Variants in LRP5 observed in about 807,000 individuals in gnomAD.
LRP5 encodes low-density lipoprotein receptor-related protein 5.
LRP5 carries 62 observed loss-of-function variants against 154.1 expected under a neutral mutation model. The ratio of observed to expected loss-of-function variants is 0.40; its 90% CI spans 0.33 to 0.50. The LOEUF (loss-of-function observed/expected upper bound fraction) is 0.50. LRP5 is among the 20% of genes least tolerant of loss of function. The probability of loss-of-function intolerance (pLI) is 0.55; values close to 1 mark genes in which losing one functional copy is unlikely to be tolerated. For missense variants in LRP5, 1,915 were observed against 2,336.7 expected, an observed-to-expected ratio of 0.82 and a Z score of 3.72; for synonymous variants, 966 against 1,011.5, an observed-to-expected ratio of 0.96 and a Z score of 0.85.
intron 13 of LRP5, among the ~76,000 whole-genome samples, chr11:68,421,449 G>A (rs996083583): frequency 2.0e-5 from 3 of 152,190 alleles, no homozygotes; most frequent in East Asian, 1.9e-4. Flanking sequence ...CACCCTCCAC[G>A]GTGAGCCTGA....
chr11:68,389,892 G>T lies in LRP5; in HGVS notation c.1424G>T (p.Trp475Leu). 1 of 1,614,244 alleles carries T rather than the reference G, an allele frequency of 6.2e-7. No individual in the cohort carries two copies. Among genetic ancestry groups the T allele is most frequent in the Non-Finnish European group, 8.5e-7 (1 of 1,180,048 alleles). The change falls in exon 7 of 23, where the codon TGG becomes TTG. Residue 475 changes from tryptophan to leucine, a missense_variant. Around this residue, in one of 3 missense-constraint regions of LRP5, gnomAD observed 773 missense variants for 1,100.9 expected, o/e 0.70. Transcript: ENST00000294304. ...TGCTTCTTCTCCAGCCTCATGTACT[G>T]GACAGACTGGGGAGAGAACCCTAAA... ...ALHPVMGLMY[W>L]TDWGENPKIE...
intron 22 of LRP5, 93 bp downstream of exon 22, chr11:68,446,626 A>G: frequency 1.7e-6 from 2 of 1,149,526 alleles, no homozygotes; most frequent in South Asian, 2.5e-5. Flanking sequence ...GAGGGGAGGT[A>G]TTCTGGGTGC....
At chr11:68,359,721 C>G (rs1196880316) in intron 3 of LRP5, among the ~76,000 whole-genome samples, 1 of 151,070 alleles carries the variant, frequency 6.6e-6, no homozygotes, top group Non-Finnish European at 1.5e-5. Flanking sequence ...ACTTTGTCAC[C>G]CAGGCTGGAG....
At chr11:68,425,398 C>A in intron 15 of LRP5, 106 bp downstream of exon 15, 1 of 1,190,250 alleles carries the variant, frequency 8.4e-7, no homozygotes, top group Non-Finnish European at 1.2e-6. Flanking sequence ...CAGTGCCGCG[C>A]CAGGGGCTTT....
chr11:68,343,497 G>A (rs1591198296), intron 1 of LRP5, among the ~76,000 whole-genome samples: 1 of 152,136 alleles, frequency 6.6e-6, no homozygotes, highest in Non-Finnish European at 1.5e-5. Context: ...GGGACAAGCT[G>A]GGGGCCCTCG....
rs545461250 is a variant in LRP5 at position 68,433,852 on chromosome 11, C to T, written c.4000+14C>T. 56 of 1,608,190 alleles carry T rather than the reference C, an allele frequency of 3.5e-5. No individual in the cohort carries two copies. Among genetic ancestry groups the T allele is most frequent in the South Asian group, 2.0e-4 (18 of 90,598 alleles). The stretch of plus-strand genomic sequence containing the variant: ...CGGACTGTGACGGTGAGGCCCTCCC[C>T]GTCAAGGCTCTGCCAAGACCCTGGC... On this transcript the variant is annotated intron_variant, in intron 18 of 22. Transcript: ENST00000294304.
chr11:68,423,725 G>A lies in LRP5; in HGVS notation c.3236+28G>A, dbSNP rs1332575303. 14 of 1,588,384 alleles carry A rather than the reference G, an allele frequency of 8.8e-6. No individual in the cohort carries two copies. Among genetic ancestry groups the A allele is most frequent in the Non-Finnish European group, 1.2e-5 (14 of 1,169,642 alleles). On this transcript the variant is annotated intron_variant, in intron 14 of 22. Coordinates refer to ENST00000294304, the MANE Select transcript of LRP5 (RefSeq NM_002335.4). This position sits in a 1 kb window ranked among gnomAD's most constrained non-coding sequence, Gnocchi z 4.7. ...AGGAGGCCAACGGGTGGGTGGGGGTGCTGCCCGTCCAGGCGTGCCCGCCGT... is the reference window on the plus strand; with the variant it reads ...AGGAGGCCAACGGGTGGGTGGGGGTACTGCCCGTCCAGGCGTGCCCGCCGT...
At position 68,448,827 on chromosome 11, in the gene LRP5, A is replaced by T; in HGVS notation, c.4605A>T (p.Gly1535=). Reference sequence around the variant, plus strand: ...CTTTCAGGCCCTACATCATTCGAGGAATGGCGCCCCCGACGACGCCCTGCA... The same window carrying T: ...CTTTCAGGCCCTACATCATTCGAGGTATGGCGCCCCCGACGACGCCCTGCA... ...ARPYRPYIIR[G]MAPPTTPCST... is the part of the protein sequence containing the mutation. The change falls in exon 23 of 23, where the codon GGA becomes GGT. Residue 1535 remains glycine, a synonymous_variant. Transcript: ENST00000294304. 1 of 1,607,770 alleles carries T rather than the reference A, an allele frequency of 6.2e-7. No homozygotes were observed. The highest frequency in any genetic ancestry group is 8.5e-7 in the Non-Finnish European group (1 of 1,179,942).
rs535857991 is a variant in LRP5, at chr11:68,350,048, C to T, written c.488+1805C>T. ...ACCACAGTCTCTCAGCACTCCCAGC[C>T]TGGACCTCACCGGTTGAGGGGCCGG... On this transcript the variant is annotated intron_variant, in intron 2 of 22. Coordinates refer to ENST00000294304, the MANE Select transcript of LRP5 (RefSeq NM_002335.4). Among the ~76,000 whole-genome samples the T allele has an allele frequency of 2.0e-5, 3 of 152,318 alleles. No homozygotes were observed. The South Asian group carries it at 6.2e-4, about 32-fold the overall frequency.
rs536659056 is a variant in LRP5, at chr11:68,371,039, C to A, written c.1015+5337C>A. Among the ~76,000 whole-genome samples the A allele has an allele frequency of 5.9e-5, 9 of 152,278 alleles. No individual in the cohort carries two copies. In the East Asian group the frequency reaches 1.7e-3, roughly 29 times the overall value. ...GCTGCCTGGAGATGGGCCCCACCCG[C>A]TTCCCGTTAATTAACAGGCTGGTGC... On this transcript the variant is annotated intron_variant, in intron 5 of 22. Transcript: ENST00000294304.
At chr11:68,316,164 G>A (rs1179612307) in intron 1 of LRP5, among the ~76,000 whole-genome samples, 1 of 152,058 alleles carries the variant, frequency 6.6e-6, no homozygotes, top group African/African-American at 2.4e-5. Context: ...TGCCTGTTCT[G>A]GGCATTTTGC....
intron 17 of LRP5, among the ~76,000 whole-genome samples, chr11:68,433,055 G>C (rs1317399112): frequency 1.3e-5 from 2 of 152,202 alleles, no homozygotes; most frequent in Non-Finnish European, 2.9e-5. Context: ...GTCCTCTGCC[G>C]GCTCCTGCCT....
intron 6 of LRP5, among the ~76,000 whole-genome samples, chr11:68,389,216 T>TGGCATCTACTGACACCGATGCC (rs2098644824): frequency 5.8e-4 from 1 of 1,718 alleles, no homozygotes; most frequent in African/African-American, 1.3e-3. Context: ...CTACTGACGC[T>TGGCATCTACTGACACCGATGCC]GGCATCTACT....
chr11:68,326,593 G>T (rs1008670109), intron 1 of LRP5, among the ~76,000 whole-genome samples: 1 of 152,270 alleles, frequency 6.6e-6, no homozygotes, highest in Non-Finnish European at 1.5e-5. Flanking sequence ...TGGTTGCTGA[G>T]AGATGTGCTC....
chr11:68,425,902 T>C lies in LRP5; in HGVS notation c.3428-76T>C, dbSNP rs181756953. ...AGGCTCCCTGGCAGTCCTGTCAACCTCTGTCCTCCCAAGCTGAGTGTGGGG... is the reference window on the plus strand; with the variant it reads ...AGGCTCCCTGGCAGTCCTGTCAACCCCTGTCCTCCCAAGCTGAGTGTGGGG... On this transcript the variant is annotated intron_variant, in intron 15 of 22. Transcript: ENST00000294304. 296 of 1,321,472 alleles carry C rather than the reference T, an allele frequency of 2.2e-4. 3 individuals carry two copies. The East Asian group carries it at 6.8e-3, about 30-fold the overall frequency. The allele number at this position is 1,321,472 out of a possible 1,614,324, so 81.9% of individuals were successfully genotyped here.
intron 1 of LRP5, among the ~76,000 whole-genome samples, chr11:68,346,423 G>A (rs985609136): frequency 2.0e-5 from 3 of 152,222 alleles, no homozygotes; most frequent in Non-Finnish European, 4.4e-5. Flanking sequence ...GCCTGTGCTC[G>A]GAACCATCTA....
chr11:68,347,203 G>A (rs933162724), intron 1 of LRP5, among the ~76,000 whole-genome samples: 3 of 152,218 alleles, frequency 2.0e-5, no homozygotes, highest in African/African-American at 7.2e-5. Context: ...GAGCCAAGGG[G>A]TGGCATTCCA....
chr11:68,376,675 G>A (rs1452161531), intron 5 of LRP5, among the ~76,000 whole-genome samples: 2 of 152,224 alleles, frequency 1.3e-5, no homozygotes, highest in African/African-American at 4.8e-5. Context: ...GCCAGCTGCA[G>A]AGGCCACAGA....
intron 2 of LRP5, among the ~76,000 whole-genome samples, chr11:68,357,057 T>G (rs1420056876): frequency 4.6e-5 from 7 of 152,040 alleles, no homozygotes. Flanking sequence ...TGCCTCAGCC[T>G]CCTAAGTAGC....
Sources: allele counts gnomAD v4.1 joint callset (sites outside exome capture counted in the v4.1 genomes callset), GRCh38; gene constraint gnomAD v4.1.1; regional missense constraint gnomAD v4.1.1; non-coding constraint Gnocchi (gnomAD v3.1); transcripts MANE v1.5; gene names NCBI Gene and HGNC (gene_info 2026-07-23, HGNC 2026-07-21).